ADAMTSL1: variants seen among roughly 807,000 people sequenced by gnomAD.
ADAMTSL1 encodes ADAMTS like 1, also known as ADAMTS-like protein 1.
In ADAMTSL1, 126 loss-of-function variants were observed where a neutral mutation model predicts 201.8. That is an observed-to-expected ratio of 0.62 (90% CI 0.54 to 0.72). The LOEUF is 0.72. Ranked by LOEUF, ADAMTSL1 falls within the 30% of genes least tolerant of loss-of-function variation. The probability of loss-of-function intolerance (pLI) is 0.00; values close to 1 mark genes in which losing one functional copy is unlikely to be tolerated. For missense variants in ADAMTSL1, 2,679 were observed against 2,277.8 expected (o/e 1.18, Z -3.59); for synonymous variants, 1,121 against 903.4 (o/e 1.24, Z -4.32).
At chr9:18,249,423 G>A (rs544962672) in intron 2 of ADAMTSL1, among the ~76,000 whole-genome samples, 1 of 152,118 alleles carries the variant, frequency 6.6e-6, no homozygotes, top group Non-Finnish European at 1.5e-5. Flanking sequence ...CCTACAGAGA[G>A]GGACATTACA....
intron 2 of ADAMTSL1, among the ~76,000 whole-genome samples, chr9:18,428,729 A>G (rs1220969818): frequency 6.6e-6 from 1 of 152,240 alleles, no homozygotes; most frequent in Admixed American, 6.5e-5. Flanking sequence ...ATTTTTGACC[A>G]TTTCAACTGT....
At chr9:18,789,210 C>A (rs1821883605) in intron 19 of ADAMTSL1, among the ~76,000 whole-genome samples, 1 of 152,194 alleles carries the variant, frequency 6.6e-6, no homozygotes, top group Admixed American at 6.5e-5. Flanking sequence ...ACAACTGTAA[C>A]AAAATCATAA....
chr9:18,715,215 A>T (rs1199517578), intron 14 of ADAMTSL1, among the ~76,000 whole-genome samples: 2 of 149,320 alleles, frequency 1.3e-5, no homozygotes, highest in Admixed American at 6.7e-5. Context: ...CCTATTCAAC[A>T]TAGTGTTGGA....
chr9:18,568,920 A>G (rs34093249), intron 3 of ADAMTSL1, among the ~76,000 whole-genome samples: 1 of 152,312 alleles, frequency 6.6e-6, no homozygotes, highest in South Asian at 2.1e-4. Context: ...GGAAGAGGAA[A>G]AACAGAGGTA....
intron 8 of ADAMTSL1, among the ~76,000 whole-genome samples, chr9:18,658,716 C>T (rs1248561933): frequency 2.0e-5 from 3 of 152,192 alleles, no homozygotes; most frequent in Non-Finnish European, 4.4e-5. Flanking sequence ...ATTTTCTGCT[C>T]ATCATAATTA....
chr9:18,577,133 A>G (rs1254325392), intron 4 of ADAMTSL1, among the ~76,000 whole-genome samples: 1 of 152,166 alleles, frequency 6.6e-6, no homozygotes, highest in Non-Finnish European at 1.5e-5. Flanking sequence ...TTTTCTTATG[A>G]TTCTATCATG....
intron 23 of ADAMTSL1, among the ~76,000 whole-genome samples, chr9:18,842,250 T>C (rs571692238): frequency 2.4e-4 from 37 of 152,330 alleles, no homozygotes; most frequent in Admixed American, 2.1e-3. Context: ...TTTGTTCTCG[T>C]TGGTTTCAAA....
At chr9:18,617,536 C>T (rs1825771593) in intron 4 of ADAMTSL1, among the ~76,000 whole-genome samples, 1 of 151,552 alleles carries the variant, frequency 6.6e-6, no homozygotes, top group African/African-American at 2.4e-5. Context: ...GCAGTTCTCT[C>T]CCTCCCTTTA....
At chr9:18,703,340 G>A (rs150161160) in intron 13 of ADAMTSL1, among the ~76,000 whole-genome samples, 186 of 152,116 alleles carry the variant, frequency 1.2e-3, no homozygotes, top group African/African-American at 4.3e-3. Context: ...CTAGGGACTT[G>A]GGGAAAAGCC....
intron 2 of ADAMTSL1, among the ~76,000 whole-genome samples, chr9:18,453,635 TTTTG>T (rs1820497629): frequency 6.6e-6 from 1 of 152,148 alleles, no homozygotes; most frequent in Admixed American, 6.6e-5. Flanking sequence ...TCCCTCAATA[TTTTG>T]CTTGGAAATC....
intron 23 of ADAMTSL1, among the ~76,000 whole-genome samples, chr9:18,843,355 T>C (rs1825858285): frequency 6.6e-6 from 1 of 151,036 alleles, no homozygotes. Flanking sequence ...GAATGTTGAA[T>C]ATTGGTCCCC....
chr9:18,369,937 A>G (rs1419206709), intron 2 of ADAMTSL1, among the ~76,000 whole-genome samples: 3 of 152,240 alleles, frequency 2.0e-5, no homozygotes, highest in Non-Finnish European at 4.4e-5. Flanking sequence ...GTTCTCACTT[A>G]TAAGTGGGAG....
intron 2 of ADAMTSL1, among the ~76,000 whole-genome samples, chr9:18,290,729 C>A (rs1833217258): frequency 6.6e-6 from 1 of 151,510 alleles, no homozygotes; most frequent in Non-Finnish European, 1.5e-5. Flanking sequence ...CTTTACCCTA[C>A]TTGATCACAG....
intron 3 of ADAMTSL1, among the ~76,000 whole-genome samples, chr9:18,534,154 A>G (rs1282124955): frequency 3.3e-5 from 5 of 152,202 alleles, no homozygotes; most frequent in Non-Finnish European, 5.9e-5. Flanking sequence ...TAAGAGCAAG[A>G]GTATGATGTT....
chr9:18,030,395 T>G (rs1404394936), intron 1 of ADAMTSL1, among the ~76,000 whole-genome samples: 1 of 151,732 alleles, frequency 6.6e-6, no homozygotes, highest in African/African-American at 2.4e-5. Flanking sequence ...CGGGGACTGT[T>G]GTGTGGTGGG....
intron 3 of ADAMTSL1, among the ~76,000 whole-genome samples, chr9:18,541,757 G>C (rs1009939656): frequency 2.0e-5 from 3 of 152,152 alleles, no homozygotes; most frequent in African/African-American, 7.2e-5. Context: ...TGTACAAACA[G>C]AAAATGTTAA....
intron 23 of ADAMTSL1, among the ~76,000 whole-genome samples, chr9:18,857,458 T>C (rs555281262): frequency 6.6e-6 from 1 of 152,338 alleles, no homozygotes; most frequent in Non-Finnish European, 1.5e-5. Context: ...GTCCCTCAGA[T>C]TGGATGTGCC....
chr9:18,871,604 C>G (rs1023674186), intron 23 of ADAMTSL1, among the ~76,000 whole-genome samples: 13 of 152,268 alleles, frequency 8.5e-5, no homozygotes, highest in African/African-American at 2.9e-4. Flanking sequence ...TCCATCACAA[C>G]CTTTAAATGA....
chr9:18,836,445 T>C (rs1825312932), intron 23 of ADAMTSL1, among the ~76,000 whole-genome samples: 1 of 152,158 alleles, frequency 6.6e-6, no homozygotes, highest in South Asian at 2.1e-4. Context: ...TAGGTCCAAC[T>C]TGTCAATTTT....
Sources: allele counts gnomAD v4.1 joint callset (sites outside exome capture counted in the v4.1 genomes callset), GRCh38; gene constraint gnomAD v4.1.1; transcripts MANE v1.5; gene names NCBI Gene and HGNC (gene_info 2026-07-23, HGNC 2026-07-21).